Variants in SLC6A17 observed in about 807,000 individuals in gnomAD.
SLC6A17 encodes the protein sodium-dependent neutral amino acid transporter SLC6A17.
SLC6A17 carries 21 observed loss-of-function variants against 64.5 expected under a neutral mutation model. The observed-to-expected ratio is 0.33, with a 90% CI of 0.23 to 0.47. SLC6A17 has a LOEUF of 0.47. Among genes scored for constraint, SLC6A17 ranks in the 20% least tolerant of loss-of-function variants. SLC6A17 has a pLI of 1.00. For synonymous variants in SLC6A17, 372 were observed against 399.5 expected, an observed-to-expected ratio of 0.93 and a Z score of 0.82; for missense variants, 682 against 963.2, an observed-to-expected ratio of 0.71 and a Z score of 3.86.
At chr1:110,171,537 G>C (rs1248643436) in intron 2 of SLC6A17, among the ~76,000 whole-genome samples, 1 of 152,136 alleles carries the variant, frequency 6.6e-6, no homozygotes, top group Non-Finnish European at 1.5e-5. Context: ...CCTCTCCCTG[G>C]AGAGCTTCCA....
Position 110,167,213 on chromosome 1 carries a change from G to A in SLC6A17, c.284G>A (p.Gly95Glu). 6.2e-7 allele frequency: 1 copy of A among 1,611,024 alleles called. No individual in the cohort carries two copies. The highest frequency in any genetic ancestry group is 8.5e-7 in the Non-Finnish European group (1 of 1,177,962). ...CCCTACCTGTGCCAGAAAAATGGAGGAGGTAAGAGACAGCTCTGCCTGCAT... is the reference window on the plus strand; with the variant it reads ...CCCTACCTGTGCCAGAAAAATGGAGAAGGTAAGAGACAGCTCTGCCTGCAT... ...RFPYLCQKNG[G>E]GAYLVPYLVL... The change falls in exon 2 of 12, where the codon GGA becomes GAA. Residue 95 changes from glycine (G) to glutamate (E), a missense_variant and splice_region_variant. Coordinates refer to ENST00000331565, the MANE Select transcript of SLC6A17 (RefSeq NM_001010898.4).
Position 110,192,106 on chromosome 1 carries a change from C to CCA in SLC6A17, c.999_1000insCA (p.Ala334GlnfsTer30). On this transcript the variant is annotated frameshift_variant, in exon 7 of 12. Transcript: ENST00000331565. LOFTEE classifies it high-confidence loss of function. This position sits in a 1 kb window ranked among gnomAD's most constrained non-coding sequence, Gnocchi z 4.3. The stretch of plus-strand genomic sequence containing the variant: ...AGGACAACAACTGCCACTTCGATGC[C>CCA]GCCCTGGTGTCCTTCATCAACTTCT... The CCA allele has an allele frequency of 1.2e-6, 2 of 1,614,188 alleles. No homozygotes were observed. The highest frequency in any genetic ancestry group is 1.7e-6 in the Non-Finnish European group (2 of 1,180,028).
intron 2 of SLC6A17, among the ~76,000 whole-genome samples, chr1:110,167,975 T>A (rs1229439578): frequency 6.6e-6 from 1 of 152,144 alleles, no homozygotes; most frequent in African/African-American, 2.4e-5. Flanking sequence ...GCCTTCACAC[T>A]GCCCCCTAGG....
In SLC6A17 at chr1:110,199,890, G is replaced by A. The variant is rs1472650325; in HGVS notation, c.*1446G>A. On this transcript the variant is annotated 3_prime_UTR_variant, in exon 12 of 12. Coordinates refer to ENST00000331565, the MANE Select transcript of SLC6A17 (RefSeq NM_001010898.4). ...ATGGATGGGTTGGGGAGTGGGGGTG[G>A]ATGGATGGATAGATGGATGGATGGA... 2.1e-5 allele frequency: 8 copies of A among 378,640 alleles called. No individual in the cohort carries two copies. The highest frequency in any genetic ancestry group is 3.2e-5 in the Non-Finnish European group (7 of 216,518). The allele number at this position is 378,640 out of a possible 1,614,324, so 23.5% of individuals were successfully genotyped here.
chr1:110,178,719 T>A (rs1461542478), intron 6 of SLC6A17: 8 of 152,622 alleles, frequency 5.2e-5, no homozygotes, highest in Admixed American at 2.0e-4. Flanking sequence ...TCTCACTGCA[T>A]CCTCACATGG....
chr1:110,163,674 C>T (rs1314178474), intron 1 of SLC6A17, among the ~76,000 whole-genome samples: 1 of 152,212 alleles, frequency 6.6e-6, no homozygotes, highest in Non-Finnish European at 1.5e-5. Context: ...CCTCAGAGCA[C>T]CTGCCCCAGT....
At chr1:110,188,107 C>A (rs552161286) in intron 6 of SLC6A17, among the ~76,000 whole-genome samples, 92 of 152,342 alleles carry the variant, frequency 6.0e-4, no homozygotes, top group African/African-American at 2.1e-3. Flanking sequence ...TGCAGAAATA[C>A]TAACGTGTTT....
chr1:110,182,861 G>A (rs980634688), intron 6 of SLC6A17, among the ~76,000 whole-genome samples: 3 of 152,096 alleles, frequency 2.0e-5, no homozygotes, highest in African/African-American at 7.2e-5. Flanking sequence ...GAAAATGGGA[G>A]CGAGGAATTG....
chr1:110,153,975 G>A (rs1182102848), intron 1 of SLC6A17, among the ~76,000 whole-genome samples: 3 of 152,204 alleles, frequency 2.0e-5, no homozygotes, highest in Middle Eastern at 3.2e-3. Context: ...CAGAGCCATA[G>A]GTAGATGTGA....
Position 110,192,739 on chromosome 1 carries a change from C to T in SLC6A17, c.1299+41C>T. The stretch of plus-strand genomic sequence containing the variant: ...GCCCTTCCCAGGACAGGCAGGAACC[C>T]AGAGAGCAGCTGTGGCCGGCGGGAG... On this transcript the variant is annotated intron_variant, in intron 8 of 11. Transcript: ENST00000331565. The surrounding 1 kb of genome is among the most constrained non-coding windows in gnomAD (Gnocchi z 4.3). 6.3e-7 allele frequency: 1 copy of T among 1,582,612 alleles called. No homozygotes were observed. Among genetic ancestry groups the T allele is most frequent in the South Asian group, 1.2e-5 (1 of 86,472 alleles).
rs960220200 is a variant in SLC6A17, at chr1:110,200,005, AAGG to A, written c.*1565_*1567del. The stretch of plus-strand genomic sequence containing the variant: ...GGGGGAAGGAAGGAAAGGAGGGAGA[AAGG>A]AGGGAATACTGGCTCCATCTTTGAG... On this transcript the variant is annotated 3_prime_UTR_variant, in exon 12 of 12. Transcript: ENST00000331565. 2.6e-3 allele frequency: 1,044 copies of A among 397,350 alleles called. 9 individuals carry two copies. The highest frequency in any genetic ancestry group is 0.02 in the African/African-American group (941 of 48,232). 24.6% of individuals were successfully genotyped at this position (397,350 alleles called of 1,614,324 possible).
chr1:110,185,471 C>T (rs1656658711), intron 6 of SLC6A17, among the ~76,000 whole-genome samples: 1 of 152,236 alleles, frequency 6.6e-6, no homozygotes, highest in Non-Finnish European at 1.5e-5. Context: ...GGCTCAGCAG[C>T]TGCTTGTGGG....
intron 6 of SLC6A17, among the ~76,000 whole-genome samples, chr1:110,184,374 G>C (rs150361992): frequency 0.017 from 2,560 of 152,288 alleles, 53 homozygotes; most frequent in African/African-American, 0.058. Context: ...CAAAGTGCTG[G>C]GATTATAGAT....
At chr1:110,158,347 C>G (rs12073911) in intron 1 of SLC6A17, among the ~76,000 whole-genome samples, 4,964 of 152,284 alleles carry the variant, frequency 0.033, 243 homozygotes, top group African/African-American at 0.11. Flanking sequence ...GAGTAGAAGT[C>G]GGAGAACTGA....
At chr1:110,164,726 A>G (rs1214434005) in intron 1 of SLC6A17, among the ~76,000 whole-genome samples, 1 of 152,180 alleles carries the variant, frequency 6.6e-6, no homozygotes, top group African/African-American at 2.4e-5. Flanking sequence ...CTTCTGCTTT[A>G]CCAGAATGTC....
intron 1 of SLC6A17, chr1:110,166,285 T>A (rs199753138): frequency 2.8e-5 from 1 of 35,234 alleles, no homozygotes; most frequent in Admixed American, 4.4e-4. Context: ...CTCAAGAGCC[T>A]TTTTTTTTTT....
intron 9 of SLC6A17, among the ~76,000 whole-genome samples, chr1:110,195,168 C>T (rs900435855): frequency 7.2e-5 from 11 of 152,194 alleles, no homozygotes; most frequent in African/African-American, 1.9e-4. Context: ...GGGTTTGCTG[C>T]GTTGATCTAG....
Position 110,197,569 on chromosome 1 carries a change from C to T in SLC6A17, c.1785C>T (p.Pro595=). 3.1e-6 allele frequency: 5 copies of T among 1,609,610 alleles called. No individual in the cohort carries two copies. Among genetic ancestry groups the T allele is most frequent in the Non-Finnish European group, 4.2e-6 (5 of 1,177,988 alleles). ...GCATCATCCAGCTGGGGGTCACGCCCCCGGGCTACAGCGCCTGGATCAAGG... is the reference window on the plus strand; with the variant it reads ...GCATCATCCAGCTGGGGGTCACGCCTCCGGGCTACAGCGCCTGGATCAAGG... The part of the protein sequence containing the change: ...TASIIQLGVT[P]PGYSAWIKEE... Residue 595 remains proline, a synonymous_variant, in exon 11 of 12, where the codon CCC becomes CCT. Coordinates refer to ENST00000331565, the MANE Select transcript of SLC6A17 (RefSeq NM_001010898.4).
rs779464321 is a variant in SLC6A17, at chr1:110,195,671, C to T, written c.1578C>T (p.Tyr526=). Reference sequence around the variant, plus strand: ...ACTTTGTCACCATGTTCGATGACTACTCGGCCACCCTGCCACTCACTCTCA... The same window carrying T: ...ACTTTGTCACCATGTTCGATGACTATTCGGCCACCCTGCCACTCACTCTCA... ...GNYFVTMFDD[Y]SATLPLTLIV... The change falls in exon 10 of 12, where the codon TAC becomes TAT. Residue 526 remains tyrosine (Y), a synonymous_variant. Transcript: ENST00000331565. The T allele has an allele frequency of 4.3e-6, 7 of 1,614,258 alleles. No individual in the cohort carries two copies. The highest frequency in any genetic ancestry group is 4.2e-6 in the Non-Finnish European group (5 of 1,180,048).
Sources: allele counts gnomAD v4.1 joint callset (sites outside exome capture counted in the v4.1 genomes callset), GRCh38; gene constraint gnomAD v4.1.1; non-coding constraint Gnocchi (gnomAD v3.1); transcripts MANE v1.5; gene names NCBI Gene and HGNC (gene_info 2026-07-23, HGNC 2026-07-21).